USP24: variants seen among roughly 807,000 people sequenced by gnomAD.
USP24 encodes ubiquitin specific peptidase 24, also known as ubiquitin carboxyl-terminal hydrolase 24.
USP24 carries 97 observed loss-of-function variants against 361.6 expected under a neutral mutation model. The ratio of observed to expected loss-of-function variants is 0.27; its 90% confidence interval spans 0.23 to 0.32. The LOEUF (loss-of-function observed/expected upper bound fraction) is 0.32, where lower values mean the gene tolerates loss of function less well. Ranked by LOEUF, USP24 falls within the 10% of genes least tolerant of loss-of-function variation. USP24 has a pLI of 1.00. For synonymous variants in USP24, 1,098 were observed against 1,124.6 expected, an observed-to-expected ratio of 0.98 and a Z score of 0.47; for missense variants, 2,353 against 3,165.6, an observed-to-expected ratio of 0.74 and a Z score of 6.16.
chr1:55,159,443 A>G (rs900603633), intron 9 of USP24, among the ~76,000 whole-genome samples, 168 bp downstream of exon 9: 2 of 152,230 alleles, frequency 1.3e-5, no homozygotes, highest in African/African-American at 2.4e-5. Context: ...ACAACCACCA[A>G]TGGTGCTTCA....
At position 55,072,323 on chromosome 1, in the gene USP24, T is replaced by C. The variant is rs763747912; in HGVS notation, c.7683A>G (p.Ser2561=). 7 of 1,613,582 alleles carry C rather than the reference T, an allele frequency of 4.3e-6. 1 individual carries two copies. In the South Asian group the frequency reaches 6.6e-5, roughly 15 times the overall value. ...STGKTFQRTI[S]AQDTLAYATA... is the part of the protein sequence containing the mutation. ...AACAAGAGACAACTCTCACCTGAGC[T>C]GAAATGGTTCGCTGAAAGGTTTTTC... Residue 2561 remains serine (S), a synonymous_variant, in exon 66 of 68, where the codon TCA becomes TCG. Transcript: ENST00000294383.
chr1:55,160,369 GT>G (rs1648146200), intron 8 of USP24, among the ~76,000 whole-genome samples: 2 of 152,216 alleles, frequency 1.3e-5, no homozygotes, highest in African/African-American at 2.4e-5. Context: ...AATGCCAATT[GT>G]ATAGGAAGGA....
rs1646251848 is a variant in USP24, at chr1:55,120,601, A to G, written c.4503T>C (p.Asn1501=). 6.5e-7 allele frequency: 1 copy of G among 1,549,660 alleles called. No homozygotes were observed. Among genetic ancestry groups the G allele is most frequent in the South Asian group, 1.2e-5 (1 of 83,230 alleles). ...TTTCCATTTTTATTACCTACCTCTG[A>G]TTGACTCCTCTCATAATACTAGTTG... ...WSPTSIMRGV[N]QRLLSQCMEY... Residue 1501 remains asparagine (N), a synonymous_variant, in exon 38 of 68, where the codon AAT becomes AAC. Transcript: ENST00000294383.
intron 17 of USP24, 26 bp downstream of exon 17, chr1:55,148,437 A>G: frequency 6.7e-7 from 1 of 1,499,204 alleles, no homozygotes; most frequent in Non-Finnish European, 9.0e-7. Flanking sequence ...AGTAACTATA[A>G]TAATAAAAAA....
rs1170021988 is a variant in USP24, at chr1:55,107,442, A to G, written c.4571-12T>C. ...CTCCATTTCTGAAGCTAAGAAGGAA[A>G]AAAAAAATCCATTACAAAGAAAGAA... On this transcript the variant is annotated splice_polypyrimidine_tract_variant and intron_variant, in intron 39 of 67. Transcript: ENST00000294383. 6.4e-7 allele frequency: 1 copy of G among 1,558,342 alleles called. No individual in the cohort carries two copies. The highest frequency in any genetic ancestry group is 1.4e-5 in the African/African-American group (1 of 72,298).
chr1:55,111,703 A>T (rs1645959707), intron 38 of USP24, among the ~76,000 whole-genome samples: 2 of 152,128 alleles, frequency 1.3e-5, no homozygotes, highest in African/African-American at 4.8e-5. Context: ...AATTCAGCTT[A>T]AATCTTGATG....
intron 1 of USP24, among the ~76,000 whole-genome samples, chr1:55,192,118 A>C (rs1644305160): frequency 6.6e-6 from 1 of 151,726 alleles, no homozygotes; most frequent in African/African-American, 2.4e-5. Flanking sequence ...TAAAAAATCA[A>C]CATGCAAGCT....
At chr1:55,110,328 A>C in intron 38 of USP24, 82 bp from the exon 39 acceptor site, 1 of 1,155,098 alleles carries the variant, frequency 8.7e-7, no homozygotes, top group Non-Finnish European at 1.2e-6. Context: ...ACAAATTCAT[A>C]AAACAAGTGA....
rs1002905266 is a variant in USP24 at position 55,083,764 on chromosome 1, T to G, written c.6882+8A>C. ...TTAGGAAAAGATATTAGGAAAAAAATTATTTACCTTTTGTACAAAAGTGTT... is the reference window on the plus strand; with the variant it reads ...TTAGGAAAAGATATTAGGAAAAAAAGTATTTACCTTTTGTACAAAAGTGTT... On this transcript the variant is annotated splice_region_variant and intron_variant, in intron 57 of 67. Transcript: ENST00000294383. 1 of 1,551,774 alleles carries G rather than the reference T, an allele frequency of 6.4e-7. No individual in the cohort carries two copies. Among genetic ancestry groups the G allele is most frequent in the African/African-American group, 1.4e-5 (1 of 72,552 alleles).
chr1:55,099,777 G>T lies in USP24; in HGVS notation c.5364C>A (p.Tyr1788Ter). 1 of 1,552,980 alleles carries T rather than the reference G, an allele frequency of 6.4e-7. No individual in the cohort carries two copies. Residue 1788 changes from tyrosine to a stop codon, truncating the protein, a stop_gained, in exon 45 of 68, where the codon TAC (tyrosine) becomes TAA (stop). Coordinates refer to ENST00000294383, the MANE Select transcript of USP24 (RefSeq NM_015306.3). LOFTEE classifies it high-confidence loss of function. ...AAAGTACAACTTTTACTACCTTGAG[G>T]TATTCATCCATCTGATCAATGAGAC... ...FTSLIDQMDE[Y>*]LKKMGRDQIF...
At position 55,143,839 on chromosome 1, in the gene USP24, C is replaced by A. The variant is rs923111205; in HGVS notation, c.2439+288G>T. Reference sequence around the variant, plus strand: ...AGGTGAACTATCCCTGCTCTGCATTCATGTGGCCACAGGAGGCCACTGGCT... The same window carrying A: ...AGGTGAACTATCCCTGCTCTGCATTAATGTGGCCACAGGAGGCCACTGGCT... On this transcript the variant is annotated intron_variant, in intron 21 of 67. Transcript: ENST00000294383. Among the ~76,000 whole-genome samples, 5 of 152,064 alleles carry A rather than the reference C, an allele frequency of 3.3e-5. No homozygotes were observed. The East Asian group carries it at 9.6e-4, about 29-fold the overall frequency.
At chr1:55,141,230 A>C (rs1302099761) in intron 24 of USP24, among the ~76,000 whole-genome samples, 1 of 152,312 alleles carries the variant, frequency 6.6e-6, no homozygotes, top group South Asian at 2.1e-4. Context: ...GCTATATCTA[A>C]GTAAATATTT....
chr1:55,164,031 C>A (rs182548724), intron 7 of USP24, among the ~76,000 whole-genome samples: 1 of 152,022 alleles, frequency 6.6e-6, no homozygotes, highest in Non-Finnish European at 1.5e-5. Context: ...TTATAAGGAA[C>A]ACTCTCTATA....
chr1:55,141,815 G>A, intron 23 of USP24, 84 bp from the exon 24 acceptor site: 1 of 1,236,168 alleles, frequency 8.1e-7, no homozygotes, highest in Non-Finnish European at 1.2e-6. Flanking sequence ...ATTTGCTGTT[G>A]CAGAGGGCTG....
chr1:55,109,479 A>T (rs551121427), intron 39 of USP24, among the ~76,000 whole-genome samples: 1 of 152,332 alleles, frequency 6.6e-6, no homozygotes, highest in East Asian at 1.9e-4. Flanking sequence ...GTATTTGAAC[A>T]ACTAACCATA....
intron 67 of USP24, among the ~76,000 whole-genome samples, chr1:55,070,819 T>G (rs1324633563): frequency 6.6e-6 from 1 of 151,984 alleles, no homozygotes; most frequent in Non-Finnish European, 1.5e-5. Flanking sequence ...ACATACACAT[T>G]AGAACGCAAA....
In USP24 at chr1:55,132,116, G is replaced by C. The variant is rs534101563; in HGVS notation, c.3537+429C>G. Among the ~76,000 whole-genome samples, 70 of 152,236 alleles carry C rather than the reference G, an allele frequency of 4.6e-4. 1 individual carries two copies. The highest frequency in any genetic ancestry group is 7.8e-4 in the Non-Finnish European group (53 of 68,002). Reference sequence around the variant, plus strand: ...AATTAAATGTATTAAAGCTTCTTTTGGGGAGGCTAATTACAACGAACTGAG... The same window carrying C: ...AATTAAATGTATTAAAGCTTCTTTTCGGGAGGCTAATTACAACGAACTGAG... On this transcript the variant is annotated intron_variant, in intron 31 of 67. Transcript: ENST00000294383.
At chr1:55,199,620 T>TGAGAGAGAGAGA (rs1472807809) in intron 1 of USP24, among the ~76,000 whole-genome samples, 9 of 96,418 alleles carry the variant, frequency 9.3e-5, no homozygotes, top group African/African-American at 2.7e-4. Flanking sequence ...TGTGTGTGTG[T>TGAGAGAGAGAGA]GTGAGAGAGA....
At chr1:55,155,186 G>A (rs1012101252) in intron 12 of USP24, among the ~76,000 whole-genome samples, 2 of 152,090 alleles carry the variant, frequency 1.3e-5, no homozygotes, top group African/African-American at 4.8e-5. Context: ...CGTATTACCT[G>A]CCTCATTATT....
Sources: allele counts gnomAD v4.1 joint callset (sites outside exome capture counted in the v4.1 genomes callset), GRCh38; gene constraint gnomAD v4.1.1; transcripts MANE v1.5; gene names NCBI Gene and HGNC (gene_info 2026-07-23, HGNC 2026-07-21).